The following NEURL1B variants were observed in gnomAD, a reference collection of about 807,000 sequenced individuals.
NEURL1B encodes neuralized E3 ubiquitin protein ligase 1B.
Under a neutral mutation model 37.4 loss-of-function variants are expected in NEURL1B, and 13 were observed. The ratio of observed to expected loss-of-function variants is 0.35; its 90% confidence interval spans 0.23 to 0.55. The LOEUF (loss-of-function observed/expected upper bound fraction) is 0.55, where lower values mean the gene tolerates loss of function less well. Ranked by LOEUF, NEURL1B falls within the 20% of genes least tolerant of loss-of-function variation. The probability of loss-of-function intolerance (pLI) is 0.89; values close to 1 mark genes in which losing one functional copy is unlikely to be tolerated. For synonymous variants in NEURL1B, 432 were observed against 426.6 expected (o/e 1.01, Z -0.16); for missense variants, 790 against 879.2 (o/e 0.90, Z 1.28).
intron 2 of NEURL1B, among the ~76,000 whole-genome samples, chr5:172,682,959 G>T (rs1200764665): frequency 1.3e-5 from 2 of 152,228 alleles, no homozygotes; most frequent in Non-Finnish European, 2.9e-5. Context: ...CGAAAGCTTA[G>T]AAGTGCCCGT....
In NEURL1B at chr5:172,683,489, C is replaced by A. The variant is rs990050635; in HGVS notation, c.648C>A (p.Pro216=). 3 of 1,499,900 alleles carry A rather than the reference C, an allele frequency of 2.0e-6. No individual in the cohort carries two copies. Among genetic ancestry groups the A allele is most frequent in the Middle Eastern group, 1.7e-4 (1 of 5,870 alleles). The allele number at this position is 1,499,900 out of a possible 1,614,324, so 92.9% of individuals were successfully genotyped here. Reference sequence around the variant, plus strand: ...CCCGCTTCAGCGCCTGCCTGCCGCCCAGCAGCCACGACGCGGCCAACTTCG... The same window carrying A: ...CCCGCTTCAGCGCCTGCCTGCCGCCAAGCAGCCACGACGCGGCCAACTTCG... The part of the protein sequence containing the change: ...SQARFSACLP[P]SSHDAANFDN... The change falls in exon 3 of 5, where the codon CCC becomes CCA. Residue 216 remains proline, a synonymous_variant. Transcript: ENST00000369800. The surrounding 1 kb of genome is among the most constrained non-coding windows in gnomAD (Gnocchi z 5.6).
At chr5:172,644,449 C>T (rs1757524769) in intron 1 of NEURL1B, among the ~76,000 whole-genome samples, 1 of 152,178 alleles carries the variant, frequency 6.6e-6, no homozygotes, top group African/African-American at 2.4e-5. Context: ...CCACCATGCA[C>T]GTGGCATGCT....
chr5:172,659,676 AC>A (rs1266852076), intron 1 of NEURL1B, among the ~76,000 whole-genome samples: 1 of 151,922 alleles, frequency 6.6e-6, no homozygotes, highest in African/African-American at 2.4e-5. Context: ...CTTCTGGAGG[AC>A]TTTAACCTCC....
At position 172,686,890 on chromosome 5, in the gene NEURL1B, C is replaced by T; in HGVS notation, c.1633C>T (p.Pro545Ser). Residue 545 changes from proline to serine, a missense_variant, in exon 5 of 5, where the codon CCC (proline) becomes TCC (serine). Pro to Ser is a moderately conservative substitution (Grantham distance 74, BLOSUM62 -1). Around this residue, in one of 3 missense-constraint regions of NEURL1B, gnomAD observed 115 missense variants for 162.6 expected, o/e 0.71. Coordinates refer to ENST00000369800, the MANE Select transcript of NEURL1B (RefSeq NM_001142651.3). The surrounding 1 kb of genome is among the most constrained non-coding windows in gnomAD (Gnocchi z 7.9). ...GGCCTGCTGCCCCATCTGCCGGCGGCCCATCAAGGACGTCATTAAGATCTA... is the reference window on the plus strand; with the variant it reads ...GGCCTGCTGCCCCATCTGCCGGCGGTCCATCAAGGACGTCATTAAGATCTA... Reference protein sequence around the residue: ...ARACCPICRRPIKDVIKIYRP With the variant: ...ARACCPICRRSIKDVIKIYRP 2 of 1,550,264 alleles carry T rather than the reference C, an allele frequency of 1.3e-6. No homozygotes were observed. The highest frequency in any genetic ancestry group is 1.7e-6 in the Non-Finnish European group (2 of 1,146,486).
intron 2 of NEURL1B, among the ~76,000 whole-genome samples, chr5:172,681,395 G>A (rs951498173): frequency 1.3e-5 from 2 of 152,188 alleles, no homozygotes; most frequent in Admixed American, 1.3e-4. Flanking sequence ...ACAGACAGAT[G>A]TAGACAAATG....
chr5:172,658,730 C>G (rs570210163), intron 1 of NEURL1B, among the ~76,000 whole-genome samples: 5 of 152,230 alleles, frequency 3.3e-5, no homozygotes, highest in Admixed American at 3.3e-4. Flanking sequence ...GAGCCGCCCT[C>G]CTCCCTGGGA....
In NEURL1B at chr5:172,683,469, T is replaced by C; in HGVS notation, c.628T>C (p.Phe210Leu). 1 of 1,484,604 alleles carries C rather than the reference T, an allele frequency of 6.7e-7. No individual in the cohort carries two copies. Among genetic ancestry groups the C allele is most frequent in the Non-Finnish European group, 8.9e-7 (1 of 1,121,042 alleles). The allele number at this position is 1,484,604 out of a possible 1,614,324, so 92.0% of individuals were successfully genotyped here. ...LTPARLSQARFSACLPPSSHD... is the reference protein window; with the variant it reads ...LTPARLSQARLSACLPPSSHD... ...GCCCGCGCGCCTCAGCCAGGCCCGC[T>C]TCAGCGCCTGCCTGCCGCCCAGCAG... The change falls in exon 3 of 5, where the codon TTC (phenylalanine) becomes CTC (leucine). Residue 210 changes from phenylalanine (F) to leucine (L), a missense_variant. This residue lies in a region of NEURL1B where 460 missense variants were observed against 407.4 expected (regional missense o/e 1.13). Transcript: ENST00000369800. The surrounding 1 kb of genome is among the most constrained non-coding windows in gnomAD (Gnocchi z 5.6).
At chr5:172,660,335 C>T (rs555612961) in intron 1 of NEURL1B, among the ~76,000 whole-genome samples, 7 of 152,212 alleles carry the variant, frequency 4.6e-5, no homozygotes, top group Non-Finnish European at 7.3e-5. Flanking sequence ...ACTCTCGCAT[C>T]AGAGCCCACT....
At chr5:172,649,356 T>C in intron 1 of NEURL1B, among the ~76,000 whole-genome samples, 1 of 76,720 alleles carries the variant, frequency 1.3e-5, no homozygotes, top group Non-Finnish European at 2.6e-5. Context: ...TTTTTTTTTT[T>C]TTTTTTTTTT....
chr5:172,647,063 G>A lies in NEURL1B; in HGVS notation c.31+5626G>A, dbSNP rs754822593. ...ATGTGCTGTGTTTGCCAGCAGGGGC[G>A]TAGCATTTTCCCTGGGCTGGACCTC... On this transcript the variant is annotated intron_variant, in intron 1 of 4. Coordinates refer to ENST00000369800, the MANE Select transcript of NEURL1B (RefSeq NM_001142651.3). The surrounding 1 kb of genome is among the most constrained non-coding windows in gnomAD (Gnocchi z 4.2). Among the ~76,000 whole-genome samples the A allele has an allele frequency of 2.6e-5, 4 of 152,198 alleles. No individual in the cohort carries two copies. The highest frequency in any genetic ancestry group is 3.9e-4 in the East Asian group (2 of 5,190).
rs184587986 is a variant in NEURL1B at position 172,675,930 on chromosome 5, C to G, written c.577+5600C>G. On this transcript the variant is annotated intron_variant, in intron 2 of 4. Transcript: ENST00000369800. This position sits in a 1 kb window ranked among gnomAD's most constrained non-coding sequence, Gnocchi z 4.7. ...TCTATGGAAGCCCTTTCTGGAGGTC[C>G]TCGAGTTCAGGCCAGGCCCTGTGCT... is the stretch of plus-strand genomic sequence containing the variant. Among the ~76,000 whole-genome samples, 11 of 152,226 alleles carry G rather than the reference C, an allele frequency of 7.2e-5. No homozygotes were observed. Among genetic ancestry groups the G allele is most frequent in the Non-Finnish European group, 1.3e-4 (9 of 67,998 alleles).
chr5:172,650,034 GT>G (rs375766060), intron 1 of NEURL1B, among the ~76,000 whole-genome samples: 3 of 152,340 alleles, frequency 2.0e-5, no homozygotes, highest in African/African-American at 7.2e-5. Flanking sequence ...GTCTTGGGCA[GT>G]ATTGGCACTT....
intron 1 of NEURL1B, among the ~76,000 whole-genome samples, chr5:172,653,845 AT>A (rs901701261): frequency 5.0e-4 from 76 of 151,440 alleles, no homozygotes; most frequent in Admixed American, 2.9e-3. Flanking sequence ...TTTATAACAC[AT>A]TTTTTTTTCT....
chr5:172,655,323 C>T (rs957048424), intron 1 of NEURL1B, among the ~76,000 whole-genome samples: 4 of 152,148 alleles, frequency 2.6e-5, no homozygotes, highest in Non-Finnish European at 5.9e-5. Flanking sequence ...TTGCCTTCCT[C>T]GTCCTGGGAG....
At chr5:172,672,198 G>A (rs1027715699) in intron 2 of NEURL1B, among the ~76,000 whole-genome samples, 1 of 152,222 alleles carries the variant, frequency 6.6e-6, no homozygotes, top group Non-Finnish European at 1.5e-5. Flanking sequence ...ACCAGATTGT[G>A]AAGAGCTACC....
At position 172,657,856 on chromosome 5, in the gene NEURL1B, G is replaced by C. The variant is rs1201935055; in HGVS notation, c.32-11929G>C. Among the ~76,000 whole-genome samples, 4 of 152,202 alleles carry C rather than the reference G, an allele frequency of 2.6e-5. No homozygotes were observed. In the East Asian group the frequency reaches 7.7e-4, roughly 29 times the overall value. On this transcript the variant is annotated intron_variant, in intron 1 of 4. Transcript: ENST00000369800. The surrounding 1 kb of genome is among the most constrained non-coding windows in gnomAD (Gnocchi z 4.0). ...GGGCACACTCCTCGTCCACTTTCAT[G>C]TTCCTCCCATACTCCTGGTTCCTCT...
rs1360286965 is a variant in NEURL1B at position 172,683,813 on chromosome 5, C to A, written c.972C>A (p.Phe324Leu). ...ERPLRPGESLFVEVGRPGLAA... is the reference protein window; with the variant it reads ...ERPLRPGESLLVEVGRPGLAA... ...CGCTGCGGCCCGGCGAGAGCCTCTT[C>A]GTGGAGGTGGGCCGTCCGGGGCTGG... The change falls in exon 3 of 5, where the codon TTC becomes TTA. Residue 324 changes from phenylalanine to leucine, a missense_variant. Transcript: ENST00000369800. The surrounding 1 kb of genome is among the most constrained non-coding windows in gnomAD (Gnocchi z 5.6). 2 of 1,316,140 alleles carry A rather than the reference C, an allele frequency of 1.5e-6. No homozygotes were observed. The highest frequency in any genetic ancestry group is 1.9e-6 in the Non-Finnish European group (2 of 1,030,250). 81.5% of individuals were successfully genotyped at this position (1,316,140 alleles called of 1,614,324 possible).
rs1758092210 is a variant in NEURL1B at position 172,670,050 on chromosome 5, C to T, written c.297C>T (p.Phe99=). 2.6e-6 allele frequency: 4 copies of T among 1,514,398 alleles called. No homozygotes were observed. Among genetic ancestry groups the T allele is most frequent in the Non-Finnish European group, 3.5e-6 (4 of 1,137,230 alleles). 93.8% of individuals were successfully genotyped at this position (1,514,398 alleles called of 1,614,324 possible). A position where few individuals can be genotyped will look rare whatever the true frequency, so the allele number is the denominator to read the frequency against. Residue 99 remains phenylalanine, a synonymous_variant, in exon 2 of 5, where the codon TTC becomes TTT. Coordinates refer to ENST00000369800, the MANE Select transcript of NEURL1B (RefSeq NM_001142651.3). ...CTGGCTGGAGCGGCGCGCTGCGCTT[C>T]GGCTTCACCGCGCACGATCCGTCGC... ...VRPGWSGALR[F]GFTAHDPSLM... is the part of the protein sequence containing the mutation.
At chr5:172,673,262 T>G (rs1156825365) in intron 2 of NEURL1B, among the ~76,000 whole-genome samples, 1 of 151,956 alleles carries the variant, frequency 6.6e-6, no homozygotes. Context: ...CCACCCAAAA[T>G]CTCCCAATAC....
Sources: gnomAD v4.1 joint callset for allele counts (sites outside exome capture counted in the v4.1 genomes callset) on GRCh38, gnomAD v4.1.1 for gene constraint, gnomAD v4.1.1 regional missense constraint, Gnocchi (gnomAD v3.1) non-coding constraint, MANE v1.5 for transcripts, NCBI Gene and HGNC (gene_info 2026-07-23, HGNC 2026-07-21) for gene names.